Variants in NBEA observed in about 807,000 individuals in gnomAD.
The protein encoded by NBEA is neurobeachin.
A neutral mutation model predicts 343.4 loss-of-function variants in NBEA; 44 were observed. That is an observed-to-expected ratio of 0.13 (90% CI 0.10 to 0.16). The LOEUF is 0.16. Ranked by LOEUF, NBEA falls within the 10% of genes least tolerant of loss-of-function variation. The pLI, the probability that NBEA is intolerant of heterozygous loss-of-function variation, is 1.00. For synonymous variants in NBEA, 1,175 were observed against 1,238.7 expected, an observed-to-expected ratio of 0.95 and a Z score of 1.08; for missense variants, 2,555 against 3,631.3, an observed-to-expected ratio of 0.70 and a Z score of 7.62.
chr13:35,332,923 G>A (rs967655645), intron 36 of NBEA, among the ~76,000 whole-genome samples: 3 of 152,024 alleles, frequency 2.0e-5, no homozygotes, highest in African/African-American at 7.2e-5. Context: ...ATAAATTAGT[G>A]CCCCAAGGGG....
intron 41 of NBEA, among the ~76,000 whole-genome samples, chr13:35,536,475 T>G (rs2078549471): frequency 6.6e-6 from 1 of 152,178 alleles, no homozygotes; most frequent in Non-Finnish European, 1.5e-5. Flanking sequence ...TACAGAAAAT[T>G]GAACAGCTAA....
intron 34 of NBEA, among the ~76,000 whole-genome samples, chr13:35,278,749 T>C (rs1358371635): frequency 6.6e-6 from 1 of 152,184 alleles, no homozygotes; most frequent in East Asian, 1.9e-4. Flanking sequence ...CAGAAAGAAC[T>C]ATGTATGCTT....
chr13:35,557,812 G>A (rs908008932), intron 44 of NBEA, among the ~76,000 whole-genome samples: 1 of 152,098 alleles, frequency 6.6e-6, no homozygotes, highest in Non-Finnish European at 1.5e-5. Flanking sequence ...TAGCAGAGGG[G>A]AGGCATTTTA....
At chr13:34,947,405 C>G (rs920086915) in intron 1 of NBEA, among the ~76,000 whole-genome samples, 6 of 152,128 alleles carry the variant, frequency 3.9e-5, no homozygotes, top group Admixed American at 2.6e-4. Context: ...TTTTCCCAAA[C>G]AGTGTGAAAT....
rs1447208931 is a variant in NBEA at position 35,118,287 on chromosome 13, T to G, written c.2142T>G (p.His714Gln). The change falls in exon 15 of 59, where the codon CAT becomes CAG. Residue 714 changes from histidine to glutamine, a missense_variant. Physicochemically the swap from His to Gln is conservative, Grantham distance 24. Around this residue, in one of 21 missense-constraint regions of NBEA, gnomAD observed 360 missense variants for 519.1 expected, o/e 0.69. Coordinates refer to ENST00000379939, the MANE Select transcript of NBEA (RefSeq NM_001385012.1). The part of the protein sequence containing the change: ...QSILNYLLTM[H>Q]EDENIHDVLQ... ...TATTAAATTACCTACTTACGATGCA[T>G]GAGGTAGGACATGTTATGGGCCTTT... The G allele has an allele frequency of 6.4e-7, 1 of 1,567,294 alleles. No individual in the cohort carries two copies. Among genetic ancestry groups the G allele is most frequent in the African/African-American group, 1.4e-5 (1 of 73,776 alleles).
chr13:35,553,896 G>A (rs575776603), intron 43 of NBEA, among the ~76,000 whole-genome samples: 9 of 152,086 alleles, frequency 5.9e-5, no homozygotes, highest in African/African-American at 2.2e-4. Context: ...GATTAGATAG[G>A]GCTGCATCTT....
intron 41 of NBEA, among the ~76,000 whole-genome samples, chr13:35,537,783 A>G (rs1053418792): frequency 1.3e-5 from 2 of 152,214 alleles, no homozygotes; most frequent in Non-Finnish European, 2.9e-5. Flanking sequence ...GGACTGAACA[A>G]AGGCCAGTGT....
chr13:35,131,664 A>G (rs976120963), intron 17 of NBEA, among the ~76,000 whole-genome samples: 2 of 152,202 alleles, frequency 1.3e-5, no homozygotes, highest in African/African-American at 4.8e-5. Flanking sequence ...CCCCTGTTTG[A>G]CATCCTATTG....
At chr13:35,420,021 A>T (rs1471921783) in intron 38 of NBEA, among the ~76,000 whole-genome samples, 1 of 152,000 alleles carries the variant, frequency 6.6e-6, no homozygotes, top group African/African-American at 2.4e-5. Flanking sequence ...GGAGTGTTTG[A>T]CAGATTTTGC....
chr13:35,475,570 G>C (rs778780004), intron 41 of NBEA: 9 of 1,613,396 alleles, frequency 5.6e-6, no homozygotes, highest in Middle Eastern at 1.6e-4. Flanking sequence ...GGGGATGTGG[G>C]GAAGTGGCCA....
intron 34 of NBEA, among the ~76,000 whole-genome samples, chr13:35,253,581 CATT>C (rs1406060327): frequency 6.6e-6 from 1 of 152,128 alleles, no homozygotes; most frequent in African/African-American, 2.4e-5. Flanking sequence ...TGTTGATCAT[CATT>C]ATATTATGGT....
chr13:35,550,806 T>C (rs2079283217), intron 42 of NBEA, 124 bp from the exon 43 acceptor site: 1 of 675,814 alleles, frequency 1.5e-6, no homozygotes, highest in African/African-American at 1.8e-5. Context: ...TGAAAGCTGA[T>C]TTTTCATGAA....
intron 34 of NBEA, among the ~76,000 whole-genome samples, chr13:35,247,982 T>C (rs2031454473): frequency 1.3e-5 from 2 of 152,146 alleles, no homozygotes; most frequent in South Asian, 4.1e-4. Flanking sequence ...ATACTATGAA[T>C]AACTTTATGC....
At chr13:35,552,726 TA>T (rs1398546303) in intron 43 of NBEA, among the ~76,000 whole-genome samples, 2 of 152,210 alleles carry the variant, frequency 1.3e-5, no homozygotes, top group Non-Finnish European at 2.9e-5. Flanking sequence ...AGATTACTAA[TA>T]GAGGTTTCTA....
chr13:35,333,517 G>A (rs1410163827), intron 36 of NBEA, among the ~76,000 whole-genome samples: 2 of 151,940 alleles, frequency 1.3e-5, no homozygotes, highest in Non-Finnish European at 2.9e-5. Flanking sequence ...CAGCGCCTCA[G>A]GCATTTATCC....
At chr13:35,522,173 T>C (rs1055854934) in intron 41 of NBEA, among the ~76,000 whole-genome samples, 4 of 151,464 alleles carry the variant, frequency 2.6e-5, no homozygotes, top group Admixed American at 1.3e-4. Flanking sequence ...CTGGGGGTGG[T>C]TGGCTGGGCA....
intron 37 of NBEA, 21 bp downstream of exon 37, chr13:35,349,237 T>C: frequency 7.0e-7 from 1 of 1,437,146 alleles, no homozygotes; most frequent in Non-Finnish European, 9.6e-7. Flanking sequence ...GGGAGTAGAC[T>C]AAATTCTGCC....
intron 41 of NBEA, among the ~76,000 whole-genome samples, chr13:35,507,782 A>T (rs2077127458): frequency 6.6e-6 from 1 of 152,130 alleles, no homozygotes; most frequent in Non-Finnish European, 1.5e-5. Flanking sequence ...TTTTGAATGC[A>T]CCCCGTACAA....
At chr13:35,475,849 C>T (rs772732693) in intron 41 of NBEA, 1 of 1,614,086 alleles carries the variant, frequency 6.2e-7, no homozygotes, top group Non-Finnish European at 8.5e-7. Context: ...CAGCACCGCG[C>T]AGCCGGGCAG....
Sources: allele counts gnomAD v4.1 joint callset (sites outside exome capture counted in the v4.1 genomes callset), GRCh38; gene constraint gnomAD v4.1.1; regional missense constraint gnomAD v4.1.1; transcripts MANE v1.5; gene names NCBI Gene and HGNC (gene_info 2026-07-23, HGNC 2026-07-21).